SERPINF2: variants seen among roughly 807,000 people sequenced by gnomAD.
SERPINF2 encodes alpha-2-antiplasmin.
A neutral mutation model predicts 45.0 loss-of-function variants in SERPINF2; 15 were observed. The observed-to-expected ratio is 0.33, with a 90% confidence interval of 0.22 to 0.51. The LOEUF (loss-of-function observed/expected upper bound fraction) is 0.51. SERPINF2 is among the 20% of genes least tolerant of loss of function. The pLI is 0.97. For missense variants in SERPINF2, 518 were observed against 637.4 expected, an observed-to-expected ratio of 0.81 and a Z score of 2.02; for synonymous variants, 283 against 277.9, an observed-to-expected ratio of 1.02 and a Z score of -0.18.
chr17:1,746,764 A>G (rs1905864508), intron 5 of SERPINF2, among the ~76,000 whole-genome samples: 1 of 151,810 alleles, frequency 6.6e-6, no homozygotes, highest in South Asian at 2.1e-4. Context: ...TGCTAGCTAC[A>G]CTCTTTCCCA....
rs1906506111 is a variant in SERPINF2 at position 1,752,796 on chromosome 17, G to T, written c.1063+6G>T. 6.2e-7 allele frequency: 1 copy of T among 1,603,302 alleles called. No homozygotes were observed. The highest frequency in any genetic ancestry group is 8.5e-7 in the Non-Finnish European group (1 of 1,175,254). On this transcript the variant is annotated splice_donor_region_variant and intron_variant, in intron 9 of 9. Coordinates refer to ENST00000453066, the MANE Select transcript of SERPINF2 (RefSeq NM_000934.4). ...GGCCACCCTCAGCCAGCTGGGTAAG[G>T]AGGAGGGTGCGGGCGAGCCCCCGAG...
intron 1 of SERPINF2, among the ~76,000 whole-genome samples, chr17:1,743,442 G>A (rs750844867): frequency 2.0e-5 from 3 of 152,166 alleles, no homozygotes; most frequent in Non-Finnish European, 2.9e-5. Flanking sequence ...GGGGCCAGGC[G>A]TGGTGGCTCA....
chr17:1,754,749 T>C lies in SERPINF2; in HGVS notation c.*215T>C, dbSNP rs1179535971. ...GAGCCGGGAGCCTGACCCTCATCTT[T>C]CTTCCAAACAGGCTCAGAGGGTGTC... On this transcript the variant is annotated 3_prime_UTR_variant, in exon 10 of 10. Transcript: ENST00000453066. The C allele has an allele frequency of 9.7e-6, 6 of 617,176 alleles. No individual in the cohort carries two copies. The highest frequency in any genetic ancestry group is 1.7e-5 in the Non-Finnish European group (6 of 361,284). The allele number at this position is 617,176 out of a possible 1,614,324, so 38.2% of individuals were successfully genotyped here.
In SERPINF2 at chr17:1,753,916, T is replaced by C. The variant is rs573418735; in HGVS notation, c.1064-206T>C. Among the ~76,000 whole-genome samples, 3 of 152,274 alleles carry C rather than the reference T, an allele frequency of 2.0e-5. No homozygotes were observed. The East Asian group carries it at 5.8e-4, about 29-fold the overall frequency. On this transcript the variant is annotated intron_variant, in intron 9 of 9. Coordinates refer to ENST00000453066, the MANE Select transcript of SERPINF2 (RefSeq NM_000934.4). ...CCTGGGAGAACACTGAAAATGTACC[T>C]TGGTTGGACTTTAGAGCTGGGGATC... is the stretch of plus-strand genomic sequence containing the variant.
Position 1,754,675 on chromosome 17 carries a change from GAGTTTAGGGT to G in SERPINF2, c.*142_*151del. Reference sequence around the variant, plus strand: ...CCATTCTTTCCCAACACCTCTTGGGGAGTTTAGGGTGGGGGGGGGGCGCGGCTGGGAGGAG... The same window carrying G: ...CCATTCTTTCCCAACACCTCTTGGGGGGGGGGGGGGCGCGGCTGGGAGGAG... On this transcript the variant is annotated 3_prime_UTR_variant, in exon 10 of 10. Transcript: ENST00000453066. 1.5e-4 allele frequency: 64 copies of G among 427,090 alleles called. No homozygotes were observed. The highest frequency in any genetic ancestry group is 7.4e-4 in the Middle Eastern group (1 of 1,354). 26.5% of individuals were successfully genotyped at this position (427,090 alleles called of 1,614,324 possible).
chr17:1,749,197 G>A (rs1489243482), intron 8 of SERPINF2, among the ~76,000 whole-genome samples: 1 of 152,218 alleles, frequency 6.6e-6, no homozygotes, highest in African/African-American at 2.4e-5. Flanking sequence ...GGTGGCCCAG[G>A]CAGGTGGATC....
At position 1,745,899 on chromosome 17, in the gene SERPINF2, C is replaced by A; in HGVS notation, c.357C>A (p.His119Gln). 6.2e-7 allele frequency: 1 copy of A among 1,614,026 alleles called. No homozygotes were observed. Among genetic ancestry groups the A allele is most frequent in the Non-Finnish European group, 8.5e-7 (1 of 1,180,024 alleles). Residue 119 changes from histidine (H) to glutamine (Q), a missense_variant, in exon 5 of 10, where the codon CAC becomes CAA. By Grantham distance (24) the His-to-Gln change is conservative (BLOSUM62 0). Transcript: ENST00000453066. The surrounding 1 kb of genome is among the most constrained non-coding windows in gnomAD (Gnocchi z 6.2). ...SPLSVALALS[H>Q]LALGAQNHTL... ...TGAGTGTGGCCCTGGCGCTGTCTCACCTGGCACTAGGTACCCTGGCACCAC... is the reference window on the plus strand; with the variant it reads ...TGAGTGTGGCCCTGGCGCTGTCTCAACTGGCACTAGGTACCCTGGCACCAC...
Position 1,754,556 on chromosome 17 carries a change from A to G in SERPINF2, c.*22A>G. The G allele has an allele frequency of 6.2e-7, 1 of 1,601,666 alleles. No homozygotes were observed. Among genetic ancestry groups the G allele is most frequent in the South Asian group, 1.1e-5 (1 of 90,678 alleles). Reference sequence around the variant, plus strand: ...GTGAGGGGCCGTGGCTGTGGCATCCAGAGTCCCTGCCTGGACCAGCCTCTC... The same window carrying G: ...GTGAGGGGCCGTGGCTGTGGCATCCGGAGTCCCTGCCTGGACCAGCCTCTC... On this transcript the variant is annotated 3_prime_UTR_variant, in exon 10 of 10. Transcript: ENST00000453066.
Position 1,752,726 on chromosome 17 carries a change from G to A in SERPINF2, c.999G>A (p.Lys333=). The A allele has an allele frequency of 1.2e-6, 2 of 1,614,126 alleles. No individual in the cohort carries two copies. The highest frequency in any genetic ancestry group is 1.1e-5 in the South Asian group (1 of 91,082). Residue 333 remains lysine (K), a synonymous_variant, in exon 9 of 10, where the codon AAG becomes AAA. Coordinates refer to ENST00000453066, the MANE Select transcript of SERPINF2 (RefSeq NM_000934.4). Reference sequence around the variant, plus strand: ...CTCTGGTGTGGGAGAGGCCCACCAAGGTCCGGCTGCCTAAGCTGTATCTGA... The same window carrying A: ...CTCTGGTGTGGGAGAGGCCCACCAAAGTCCGGCTGCCTAAGCTGTATCTGA... ...HPPLVWERPT[K]VRLPKLYLKH...
intron 8 of SERPINF2, among the ~76,000 whole-genome samples, chr17:1,749,042 C>G (rs1164309556): frequency 6.6e-6 from 1 of 152,200 alleles, no homozygotes; most frequent in Non-Finnish European, 1.5e-5. Flanking sequence ...GGTCTCTGCT[C>G]TTAGGAAGGA....
Position 1,745,275 on chromosome 17 carries a change from G to A in SERPINF2, c.103-58G>A. The stretch of plus-strand genomic sequence containing the variant: ...TCCCGGGGGTCTCACTGGTGGCTTG[G>A]GCAGGGTGGGGGGCCTGTGGGAAGG... On this transcript the variant is annotated intron_variant, in intron 3 of 9. Transcript: ENST00000453066. This position sits in a 1 kb window ranked among gnomAD's most constrained non-coding sequence, Gnocchi z 6.2. 6.2e-7 allele frequency: 1 copy of A among 1,607,614 alleles called. No homozygotes were observed. The highest frequency in any genetic ancestry group is 8.5e-7 in the Non-Finnish European group (1 of 1,177,562).
At position 1,752,700 on chromosome 17, in the gene SERPINF2, C is replaced by A. The variant is rs769196813; in HGVS notation, c.973C>A (p.Pro325Thr). 6.2e-7 allele frequency: 1 copy of A among 1,614,176 alleles called. No homozygotes were observed. The highest frequency in any genetic ancestry group is 1.7e-5 in the Admixed American group (1 of 60,022). ...CCTGAGTTGGGACACCCTGCACCCA[C>A]CTCTGGTGTGGGAGAGGCCCACCAA... is the stretch of plus-strand genomic sequence containing the variant. ...ANLSWDTLHP[P>T]LVWERPTKVR... Residue 325 changes from proline to threonine, a missense_variant, in exon 9 of 10, where the codon CCT (proline) becomes ACT (threonine). This residue lies in a region of SERPINF2 where 435 missense variants were observed against 577.3 expected (regional missense o/e 0.75). Transcript: ENST00000453066.
rs1204779903 is a variant in SERPINF2, at chr17:1,754,547, G to A, written c.*13G>A. The A allele has an allele frequency of 6.2e-7, 1 of 1,603,600 alleles. No individual in the cohort carries two copies. The highest frequency in any genetic ancestry group is 1.7e-5 in the Admixed American group (1 of 59,640). The stretch of plus-strand genomic sequence containing the variant: ...CAGCCCCAAGTGAGGGGCCGTGGCT[G>A]TGGCATCCAGAGTCCCTGCCTGGAC... On this transcript the variant is annotated 3_prime_UTR_variant, in exon 10 of 10. Transcript: ENST00000453066.
chr17:1,747,237 TG>T, intron 6 of SERPINF2, 71 bp from the exon 7 acceptor site: 3 of 1,610,240 alleles, frequency 1.9e-6, no homozygotes, highest in Non-Finnish European at 2.5e-6. Flanking sequence ...GCTGGGCCTC[TG>T]GTAGCGAGTA....
At chr17:1,749,670 G>T (rs926508176) in intron 8 of SERPINF2, among the ~76,000 whole-genome samples, 4 of 152,204 alleles carry the variant, frequency 2.6e-5, no homozygotes, top group Non-Finnish European at 5.9e-5. Flanking sequence ...TAAGTGCTGG[G>T]ATTACGGGCA....
rs776234370 is a variant in SERPINF2 at position 1,754,124 on chromosome 17, C to T, written c.1066C>T (p.Leu356=). ...CAGCCATCTCTGGCCCTGGGCAGGC[C>T]TGCAGGAGTTGTTCCAGGCCCCAGA... ...DLVATLSQLG[L]QELFQAPDLR... Residue 356 remains leucine (L), a splice_region_variant and synonymous_variant, in exon 10 of 10, where the codon CTG becomes TTG. Coordinates refer to ENST00000453066, the MANE Select transcript of SERPINF2 (RefSeq NM_000934.4). 28 of 1,604,802 alleles carry T rather than the reference C, an allele frequency of 1.7e-5. No individual in the cohort carries two copies. In the Admixed American group the frequency reaches 3.5e-4, roughly 20 times the overall value.
chr17:1,751,186 C>T (rs1423087471), intron 8 of SERPINF2, among the ~76,000 whole-genome samples: 4 of 152,192 alleles, frequency 2.6e-5, no homozygotes, highest in Middle Eastern at 3.2e-3. Context: ...CGGTGGCTCA[C>T]GCCTGTAATC....
chr17:1,752,073 C>T lies in SERPINF2; in HGVS notation c.859-513C>T, dbSNP rs940067067. On this transcript the variant is annotated intron_variant, in intron 8 of 9. Transcript: ENST00000453066. ...TGTTGTTTTTTTTCTTTTTTTGAGA[C>T]GGATTTTTACTCCTGTCCCCCAGGC... Among the ~76,000 whole-genome samples the T allele has an allele frequency of 6.1e-5, 7 of 114,064 alleles. 1 individual carries two copies. Among genetic ancestry groups the T allele is most frequent in the East Asian group, 8.4e-4 (2 of 2,386 alleles). 74.8% of individuals were successfully genotyped at this position (114,064 alleles called of 152,430 possible).
chr17:1,751,025 C>T lies in SERPINF2; in HGVS notation c.859-1561C>T, dbSNP rs534198075. ...CAGACAGGCCCAAACAGCCAGAACC[C>T]GGGGCTTATCCTCCCACGGGCAGGG... On this transcript the variant is annotated intron_variant, in intron 8 of 9. Coordinates refer to ENST00000453066, the MANE Select transcript of SERPINF2 (RefSeq NM_000934.4). Among the ~76,000 whole-genome samples, 59 of 152,326 alleles carry T rather than the reference C, an allele frequency of 3.9e-4. 1 individual carries two copies. The highest frequency in any genetic ancestry group is 1.2e-3 in the African/African-American group (48 of 41,572).
Sources: allele counts gnomAD v4.1 joint callset (sites outside exome capture counted in the v4.1 genomes callset), GRCh38; gene constraint gnomAD v4.1.1; regional missense constraint gnomAD v4.1.1; non-coding constraint Gnocchi (gnomAD v3.1); transcripts MANE v1.5; gene names NCBI Gene and HGNC (gene_info 2026-07-23, HGNC 2026-07-21).